C8orf89: variants seen among roughly 807,000 people sequenced by gnomAD.
The protein encoded by C8orf89 is chromosome 8 open reading frame 89, also known as putative uncharacterized protein C8orf89.
A neutral mutation model predicts 15.8 loss-of-function variants in C8orf89; 14 were observed. The observed-to-expected ratio is 0.89, with a 90% CI of 0.59 to 1.39. C8orf89 has a LOEUF of 1.39. Among genes scored for constraint, C8orf89 ranks in the 40% most tolerant of loss-of-function variants. The pLI is 0.00. For synonymous variants in C8orf89, 55 were observed against 62.2 expected, an observed-to-expected ratio of 0.88 and a Z score of 0.54; for missense variants, 181 against 184.5, an observed-to-expected ratio of 0.98 and a Z score of 0.11.
intron 2 of C8orf89, among the ~76,000 whole-genome samples, chr8:73,256,129 C>T (rs955142480): frequency 1.5e-5 from 2 of 136,816 alleles, no homozygotes; most frequent in Non-Finnish European, 1.5e-5. Flanking sequence ...AAATAAATAA[C>T]AAATAATAAT....
upstream of C8orf89, among the ~76,000 whole-genome samples, chr8:73,261,605 G>GT (rs1813531439): frequency 6.6e-6 from 1 of 152,188 alleles, no homozygotes; most frequent in Non-Finnish European, 1.5e-5. Context: ...TGAGAAATTA[G>GT]TTAAAAATAA....
intron 1 of C8orf89, among the ~76,000 whole-genome samples, chr8:73,257,577 C>G (rs533227945): frequency 6.6e-6 from 1 of 152,276 alleles, no homozygotes; most frequent in East Asian, 1.9e-4. Context: ...AAGAATTATA[C>G]TTGAGGCACT....
the C8orf89 span, among the ~76,000 whole-genome samples, chr8:73,270,367 C>T: frequency 6.6e-6 from 1 of 152,152 alleles, no homozygotes; most frequent in African/African-American, 2.4e-5. Context: ...GAATTGAGAT[C>T]CTTACTTGAA....
upstream of C8orf89, among the ~76,000 whole-genome samples, chr8:73,260,718 G>T (rs532143045): frequency 3.9e-5 from 6 of 152,234 alleles, no homozygotes; most frequent in African/African-American, 1.2e-4. Flanking sequence ...AGGAGGATAT[G>T]GCTCCCAGCA....
At chr8:73,275,539 A>G in the C8orf89 span, among the ~76,000 whole-genome samples, 1 of 152,168 alleles carries the variant, frequency 6.6e-6, no homozygotes, top group African/African-American at 2.4e-5. Context: ...TACCCTGCCA[A>G]TTAAGCTATT....
intron 2 of C8orf89, among the ~76,000 whole-genome samples, chr8:73,255,891 T>C (rs1435245668): frequency 6.8e-6 from 1 of 147,968 alleles, no homozygotes; most frequent in Admixed American, 6.9e-5. Flanking sequence ...TTCTCACTCA[T>C]AGGTGGGAAT....
chr8:73,256,235 ATGTTAATTAGGCCAACAT>A lies in C8orf89; in HGVS notation c.281+720_281+737del, dbSNP rs1813380649. 2.6e-5 allele frequency among the ~76,000 whole-genome samples: 4 copies of A among 152,124 alleles called. No homozygotes were observed. In the South Asian group the frequency reaches 8.3e-4, roughly 32 times the overall value. Reference sequence around the variant, plus strand: ...ATTCATTTCTGATAGTCAATGCAGGATGTTAATTAGGCCAACATCTCATTCAGAATCTTCCTTCACATT... The same window carrying A: ...ATTCATTTCTGATAGTCAATGCAGGACTCATTCAGAATCTTCCTTCACATT... On this transcript the variant is annotated intron_variant, in intron 2 of 3. Coordinates refer to ENST00000624510, the MANE Select transcript of C8orf89 (RefSeq NM_001243237.3).
At chr8:73,268,919 T>C in the C8orf89 span, among the ~76,000 whole-genome samples, 1 of 152,192 alleles carries the variant, frequency 6.6e-6, no homozygotes, top group Non-Finnish European at 1.5e-5. Flanking sequence ...CTTGAGCTCC[T>C]GCCTACAGGA....
At chr8:73,247,445 T>C (rs1813151786) in intron 3 of C8orf89, among the ~76,000 whole-genome samples, 1 of 152,218 alleles carries the variant, frequency 6.6e-6, no homozygotes, top group Non-Finnish European at 1.5e-5. Flanking sequence ...TATAGTCCTT[T>C]GGGTACATAC....
intron 2 of C8orf89, among the ~76,000 whole-genome samples, chr8:73,254,284 C>T (rs993070063): frequency 1.3e-5 from 2 of 151,796 alleles, no homozygotes; most frequent in Non-Finnish European, 2.9e-5. Flanking sequence ...GGATGAAGCC[C>T]ACTTGATCAT....
upstream of C8orf89, chr8:73,259,606 C>A (rs200164079): frequency 7.5e-5 from 35 of 465,056 alleles, 1 homozygote; most frequent in East Asian, 1.1e-3. Context: ...TTAATGAATT[C>A]TTTCAAATTC....
At chr8:73,253,011 CG>C (rs1813281861) in intron 2 of C8orf89, among the ~76,000 whole-genome samples, 2 of 152,260 alleles carry the variant, frequency 1.3e-5, no homozygotes, top group Admixed American at 6.5e-5. Context: ...GGCGTGGTGG[CG>C]GGCGCCTGTA....
upstream of C8orf89, among the ~76,000 whole-genome samples, chr8:73,260,891 G>A (rs148353788): frequency 9.2e-5 from 14 of 152,328 alleles, no homozygotes; most frequent in South Asian, 6.2e-4. Context: ...GGGTGGACAC[G>A]ATCTAATCAG....
At chr8:73,285,708 C>T in the C8orf89 span, among the ~76,000 whole-genome samples, 1 of 152,190 alleles carries the variant, frequency 6.6e-6, no homozygotes, top group Non-Finnish European at 1.5e-5. Context: ...GCTGGGGCAG[C>T]GGGCACAGCG....
the C8orf89 span, among the ~76,000 whole-genome samples, chr8:73,264,805 AG>A: frequency 6.6e-6 from 1 of 152,216 alleles, no homozygotes; most frequent in African/African-American, 2.4e-5. Flanking sequence ...GGTGATCCTG[AG>A]CTGAGATCTC....
At chr8:73,252,971 C>T (rs754793041) in intron 2 of C8orf89, among the ~76,000 whole-genome samples, 31 of 152,150 alleles carry the variant, frequency 2.0e-4, no homozygotes, top group Non-Finnish European at 4.1e-4. Flanking sequence ...GAAACCCCGT[C>T]TCTACTAAAA....
At position 73,250,275 on chromosome 8, in the gene C8orf89, T is replaced by C; in HGVS notation, c.330A>G (p.Lys110=). The C allele has an allele frequency of 6.5e-7, 1 of 1,533,074 alleles. No homozygotes were observed. The allele number at this position is 1,533,074 out of a possible 1,614,324, so 95.0% of individuals were successfully genotyped here. ...ETCSVAPLWE[K]SKGSGFSDPL... is the part of the protein sequence containing the mutation. ...AAGGACGAGTCAGCTTACCTTTTGA[T>C]TTCTCCCAAAGTGGTGCCACACTGC... The change falls in exon 3 of 4, where the codon AAA becomes AAG. Residue 110 remains lysine, a synonymous_variant. Coordinates refer to ENST00000624510, the MANE Select transcript of C8orf89 (RefSeq NM_001243237.3).
At chr8:73,264,211 A>T (rs1323450661), upstream of C8orf89, among the ~76,000 whole-genome samples, 2 of 152,192 alleles carry the variant, frequency 1.3e-5, no homozygotes, top group Non-Finnish European at 2.9e-5. Context: ...AGTGAAAAAG[A>T]CACTTGTTTA....
At chr8:73,261,274 G>A (rs1327031621), upstream of C8orf89, among the ~76,000 whole-genome samples, 1 of 152,126 alleles carries the variant, frequency 6.6e-6, no homozygotes, top group Admixed American at 6.5e-5. Context: ...CACATAAAAA[G>A]CATGCCTTTC....
Sources: gnomAD v4.1 joint callset for allele counts (sites outside exome capture counted in the v4.1 genomes callset) on GRCh38, gnomAD v4.1.1 for gene constraint, MANE v1.5 for transcripts, NCBI Gene and HGNC (gene_info 2026-07-23, HGNC 2026-07-21) for gene names.